CYP20A1: variants seen among roughly 807,000 people sequenced by gnomAD.
The protein encoded by CYP20A1 is cytochrome P450 20A1.
CYP20A1 carries 61 observed loss-of-function variants against 61.4 expected under a neutral mutation model. That is an observed-to-expected ratio of 0.99 (90% CI 0.81 to 1.23). CYP20A1 has a LOEUF of 1.23. Among genes scored for constraint, CYP20A1 ranks in the 50% most tolerant of loss-of-function variants. The probability of loss-of-function intolerance (pLI) is 0.00; values close to 1 mark genes in which losing one functional copy is unlikely to be tolerated. For missense variants in CYP20A1, 530 were observed against 542.4 expected, an observed-to-expected ratio of 0.98 and a Z score of 0.23; for synonymous variants, 193 against 188.2, an observed-to-expected ratio of 1.03 and a Z score of -0.21.
In CYP20A1 at chr2:203,275,998, T is replaced by C. The variant is rs1009048009; in HGVS notation, c.680-2575T>C. Reference sequence around the variant, plus strand: ...ATAGGGAGTGCCGGGGGTTGGGAGATTGCAATTTTAAGTAATTATTAGGAA... The same window carrying C: ...ATAGGGAGTGCCGGGGGTTGGGAGACTGCAATTTTAAGTAATTATTAGGAA... On this transcript the variant is annotated intron_variant, in intron 6 of 12. Transcript: ENST00000356079. 2.0e-5 allele frequency among the ~76,000 whole-genome samples: 3 copies of C among 151,912 alleles called. No homozygotes were observed. In the South Asian group the frequency reaches 6.2e-4, roughly 32 times the overall value.
chr2:203,244,287 C>T lies in CYP20A1; in HGVS notation c.73-1559C>T, dbSNP rs190099048. Among the ~76,000 whole-genome samples, 235 of 152,088 alleles carry T rather than the reference C, an allele frequency of 1.5e-3. 1 individual carries two copies. Among genetic ancestry groups the T allele is most frequent in the African/African-American group, 5.5e-3 (228 of 41,512 alleles). ...TGCAATCACAGCTCACTGCAACCTC[C>T]GCCTCCCAAGTTCAAGTGATTCTCA... On this transcript the variant is annotated intron_variant, in intron 1 of 12. Transcript: ENST00000356079.
chr2:203,292,321 A>T lies in CYP20A1; in HGVS notation c.1143A>T (p.Pro381=). The change falls in exon 11 of 13, where the codon CCA becomes CCT. Residue 381 remains proline (P), a synonymous_variant. Transcript: ENST00000356079. The part of the protein sequence containing the change: ...VLQDPNTWPS[P]HKFDPDRFDD... Reference sequence around the variant, plus strand: ...AGGATCCTAATACTTGGCCATCTCCACACAAGTATGAAATATTTGTCATTG... The same window carrying T: ...AGGATCCTAATACTTGGCCATCTCCTCACAAGTATGAAATATTTGTCATTG... 3.1e-6 allele frequency: 5 copies of T among 1,607,654 alleles called. No homozygotes were observed. The highest frequency in any genetic ancestry group is 4.3e-6 in the Non-Finnish European group (5 of 1,174,682).
At chr2:203,263,668 T>C (rs2067225226) in intron 4 of CYP20A1, among the ~76,000 whole-genome samples, 1 of 152,174 alleles carries the variant, frequency 6.6e-6, no homozygotes, top group Admixed American at 6.5e-5. Flanking sequence ...CTTTCTTCTT[T>C]AGCTTAAGGG....
chr2:203,284,108 T>C (rs557373278), intron 8 of CYP20A1, among the ~76,000 whole-genome samples: 13 of 152,114 alleles, frequency 8.5e-5, no homozygotes, highest in East Asian at 1.9e-4. Flanking sequence ...ACTCTAGATA[T>C]AAGAAAACTA....
chr2:203,254,950 C>G lies in CYP20A1; in HGVS notation c.432+2841C>G, dbSNP rs908192260. Among the ~76,000 whole-genome samples the G allele has an allele frequency of 2.6e-5, 4 of 151,590 alleles. No individual in the cohort carries two copies. In the East Asian group the frequency reaches 7.7e-4, roughly 29 times the overall value. On this transcript the variant is annotated intron_variant, in intron 4 of 12. Transcript: ENST00000356079. ...AGGTTGCAGTGAGCCAAGATTGCGC[C>G]ACTGCACTCCAGCCTGGGTAACAGA...
At position 203,280,104 on chromosome 2, in the gene CYP20A1, A is replaced by G; in HGVS notation, c.841A>G (p.Thr281Ala). ...ATTTTCTCTGGCCAGTTGCATAATA[A>G]CTGCAAAATGTAAGTATAAATTGAT... is the stretch of plus-strand genomic sequence containing the variant. ...MIFSLASCII[T>A]AKLCTWAICF... Residue 281 changes from threonine to alanine, a missense_variant, in exon 8 of 13, where the codon ACT (threonine) becomes GCT (alanine). Transcript: ENST00000356079. 6.2e-7 allele frequency: 1 copy of G among 1,605,884 alleles called. No homozygotes were observed. The highest frequency in any genetic ancestry group is 1.3e-5 in the African/African-American group (1 of 74,876).
chr2:203,253,559 A>G (rs767368557), intron 4 of CYP20A1, among the ~76,000 whole-genome samples: 103 of 152,222 alleles, frequency 6.8e-4, no homozygotes, highest in Admixed American at 4.3e-3. Flanking sequence ...TAAACATTGA[A>G]CAAAGACAGA....
At chr2:203,261,655 A>G (rs1037803931) in intron 4 of CYP20A1, among the ~76,000 whole-genome samples, 8 of 150,534 alleles carry the variant, frequency 5.3e-5, no homozygotes, top group Non-Finnish European at 1.0e-4. Context: ...ACAGTCACAA[A>G]CCCCAGAGCC....
At position 203,276,630 on chromosome 2, in the gene CYP20A1, T is replaced by A. The variant is rs113193478; in HGVS notation, c.680-1943T>A. Among the ~76,000 whole-genome samples, 68 of 152,230 alleles carry A rather than the reference T, an allele frequency of 4.5e-4. 1 individual carries two copies. Among genetic ancestry groups the A allele is most frequent in the Middle Eastern group, 3.4e-3 (1 of 294 alleles). On this transcript the variant is annotated intron_variant, in intron 6 of 12. Transcript: ENST00000356079. ...GAGGGAGACACCAAGGTTTTTGGCC[T>A]AGTTGCAAAAGGAGGTTGTCGGGAA... is the stretch of plus-strand genomic sequence containing the variant.
At chr2:203,292,091 C>T (rs2068560257) in intron 10 of CYP20A1, among the ~76,000 whole-genome samples, 171 bp from the exon 11 acceptor site, 1 of 152,094 alleles carries the variant, frequency 6.6e-6, no homozygotes, top group African/African-American at 2.4e-5. Context: ...CTTAGGGAGG[C>T]CTTCCTCATT....
rs948653011 is a variant in CYP20A1 at position 203,303,696 on chromosome 2, C to G, written c.*6788C>G. 1.3e-5 allele frequency among the ~76,000 whole-genome samples: 2 copies of G among 150,938 alleles called. No individual in the cohort carries two copies. The highest frequency in any genetic ancestry group is 2.4e-5 in the African/African-American group (1 of 41,092). The stretch of plus-strand genomic sequence containing the variant: ...GGTGACGAGCGAAAATCCGTCTCAA[C>G]CAAGAAAAAAGAAAAAAAGAAAAAG... On this transcript the variant is annotated 3_prime_UTR_variant, in exon 13 of 13. Transcript: ENST00000356079.
intron 8 of CYP20A1, among the ~76,000 whole-genome samples, chr2:203,281,639 A>G (rs1575246127): frequency 6.6e-6 from 1 of 152,102 alleles, no homozygotes; most frequent in East Asian, 1.9e-4. Flanking sequence ...TGTCTCTACT[A>G]AAAATACAAA....
chr2:203,278,720 A>G, intron 7 of CYP20A1, 32 bp downstream of exon 7: 2 of 1,260,296 alleles, frequency 1.6e-6, no homozygotes, highest in South Asian at 1.4e-5. Context: ...TATCAGGTAA[A>G]AAAATAAGCC....
At chr2:203,255,719 G>T (rs948569091) in intron 4 of CYP20A1, among the ~76,000 whole-genome samples, 1 of 152,104 alleles carries the variant, frequency 6.6e-6, no homozygotes, top group African/African-American at 2.4e-5. Flanking sequence ...TTTCCAGCCT[G>T]GTTTCCCACA....
Position 203,296,894 on chromosome 2 carries a change from T to C in CYP20A1, c.1375T>C (p.Ser459Pro), listed in dbSNP as rs750300704. The C allele has an allele frequency of 6.4e-7, 1 of 1,566,184 alleles. No homozygotes were observed. ...SSREEAWITV[S>P]KRY Reference sequence around the variant, plus strand: ...AAGGGAAGAAGCTTGGATCACTGTCTCAAAGAGATATTAAAATTTTATACA... The same window carrying C: ...AAGGGAAGAAGCTTGGATCACTGTCCCAAAGAGATATTAAAATTTTATACA... The change falls in exon 13 of 13, where the codon TCA (serine) becomes CCA (proline). Residue 459 changes from serine to proline, a missense_variant. Transcript: ENST00000356079.
chr2:203,249,548 T>G (rs1213426351), intron 3 of CYP20A1, among the ~76,000 whole-genome samples: 4 of 151,976 alleles, frequency 2.6e-5, no homozygotes, highest in African/African-American at 4.8e-5. Context: ...CCTTAAAAAC[T>G]AATAAGAAAA....
Position 203,299,854 on chromosome 2 carries a change from A to G in CYP20A1, c.*2946A>G, listed in dbSNP as rs2068950976. On this transcript the variant is annotated 3_prime_UTR_variant, in exon 13 of 13. Coordinates refer to ENST00000356079, the MANE Select transcript of CYP20A1 (RefSeq NM_177538.3). ...GCGCCATTGCACTCCAGCCTGGGCA[A>G]CAAGAGTGAAACTCCGTCTCAAAAA... 1.3e-5 allele frequency among the ~76,000 whole-genome samples: 2 copies of G among 152,180 alleles called. No individual in the cohort carries two copies. Among genetic ancestry groups the G allele is most frequent in the Admixed American group, 6.5e-5 (1 of 15,268 alleles).
At chr2:203,273,773 A>G (rs540143190) in intron 6 of CYP20A1, among the ~76,000 whole-genome samples, 3 of 152,090 alleles carry the variant, frequency 2.0e-5, no homozygotes, top group Admixed American at 1.3e-4. Context: ...GTGAAACCCT[A>G]CCTCTACTAA....
intron 6 of CYP20A1, among the ~76,000 whole-genome samples, chr2:203,273,652 T>G (rs1356094096): frequency 6.6e-6 from 1 of 151,968 alleles, no homozygotes; most frequent in Admixed American, 6.6e-5. Flanking sequence ...TTTAAAAAAT[T>G]AGCAACATAG....
Sources: allele counts gnomAD v4.1 joint callset (sites outside exome capture counted in the v4.1 genomes callset), GRCh38; gene constraint gnomAD v4.1.1; transcripts MANE v1.5; gene names NCBI Gene and HGNC (gene_info 2026-07-23, HGNC 2026-07-21).